NELL1: variants seen among roughly 807,000 people sequenced by gnomAD.
NELL1 encodes the protein protein kinase C-binding protein NELL1.
Under a neutral mutation model 107.4 loss-of-function variants are expected in NELL1, and 76 were observed. That is an observed-to-expected ratio of 0.71 (90% CI 0.59 to 0.86). The LOEUF is 0.86. Among genes scored for constraint, NELL1 ranks in the 40% least tolerant of loss-of-function variants. The pLI, the probability that NELL1 is intolerant of heterozygous loss-of-function variation, is 0.00. For missense variants in NELL1, 1,024 were observed against 1,005.5 expected, an observed-to-expected ratio of 1.02 and a Z score of -0.25; for synonymous variants, 353 against 341.2, an observed-to-expected ratio of 1.03 and a Z score of -0.38.
At chr11:21,148,854 C>T (rs1791841) in intron 13 of NELL1, among the ~76,000 whole-genome samples, 17 of 152,032 alleles carry the variant, frequency 1.1e-4, no homozygotes, top group African/African-American at 3.1e-4. Context: ...TAACATAATT[C>T]GTTATATTAC....
chr11:21,494,162 T>C (rs1239889945), intron 15 of NELL1, among the ~76,000 whole-genome samples: 2 of 152,032 alleles, frequency 1.3e-5, no homozygotes, highest in Non-Finnish European at 2.9e-5. Flanking sequence ...AGTAGTGATC[T>C]AATGTTTCTA....
At chr11:20,927,217 C>T in intron 7 of NELL1, 91 bp from the exon 8 acceptor site, 7 of 1,279,902 alleles carry the variant, frequency 5.5e-6, no homozygotes, top group Non-Finnish European at 6.4e-6. Flanking sequence ...TTTTTCTCTT[C>T]TCAGAAGGAT....
chr11:21,077,107 T>C (rs916304239), intron 12 of NELL1, among the ~76,000 whole-genome samples: 1 of 152,058 alleles, frequency 6.6e-6, no homozygotes, highest in African/African-American at 2.4e-5. Context: ...TGCAAGGGAA[T>C]AAAAGTAGTG....
intron 2 of NELL1, among the ~76,000 whole-genome samples, chr11:20,690,038 G>C (rs369991799): frequency 6.6e-6 from 1 of 152,134 alleles, no homozygotes; most frequent in African/African-American, 2.4e-5. Context: ...GATGGCCAGT[G>C]ATGATGAGCA....
chr11:20,743,166 A>G (rs984880565), intron 2 of NELL1, among the ~76,000 whole-genome samples: 1 of 152,118 alleles, frequency 6.6e-6, no homozygotes, highest in African/African-American at 2.4e-5. Flanking sequence ...CAGCCTGGCC[A>G]ACATGGTGAT....
chr11:21,213,318 G>A (rs1008734760), intron 13 of NELL1, among the ~76,000 whole-genome samples: 1 of 152,096 alleles, frequency 6.6e-6, no homozygotes, highest in African/African-American at 2.4e-5. Flanking sequence ...GATCTGTAAA[G>A]TTTAACATAA....
At chr11:21,054,604 T>C (rs1853571932) in intron 12 of NELL1, among the ~76,000 whole-genome samples, 1 of 152,116 alleles carries the variant, frequency 6.6e-6, no homozygotes, top group Admixed American at 6.6e-5. Flanking sequence ...TCTTCACTAA[T>C]ATTATAGTTT....
intron 13 of NELL1, among the ~76,000 whole-genome samples, chr11:21,116,770 A>G (rs1043252046): frequency 2.0e-5 from 3 of 151,856 alleles, no homozygotes; most frequent in African/African-American, 7.3e-5. Context: ...TATATCACCT[A>G]TTACCATCTT....
chr11:21,246,879 G>A (rs918359557), intron 14 of NELL1, among the ~76,000 whole-genome samples: 3 of 152,160 alleles, frequency 2.0e-5, no homozygotes, highest in South Asian at 2.1e-4. Context: ...AAAATCATCA[G>A]CTCTTGCGAG....
At chr11:21,224,394 T>C (rs1857839552) in intron 13 of NELL1, among the ~76,000 whole-genome samples, 1 of 43,724 alleles carries the variant, frequency 2.3e-5, no homozygotes, top group Admixed American at 2.3e-4. Flanking sequence ...CATACCCAGA[T>C]TTTTTTTTTT....
At chr11:20,772,410 A>G (rs1168694769) in intron 2 of NELL1, among the ~76,000 whole-genome samples, 1 of 152,152 alleles carries the variant, frequency 6.6e-6, no homozygotes, top group Non-Finnish European at 1.5e-5. Flanking sequence ...TAAGTCACTT[A>G]TTTTCTATAA....
chr11:21,005,914 T>C (rs944924329), intron 12 of NELL1, among the ~76,000 whole-genome samples: 1 of 152,132 alleles, frequency 6.6e-6, no homozygotes, highest in Non-Finnish European at 1.5e-5. Flanking sequence ...GCTTTGGACT[T>C]AGACCAACTG....
At chr11:21,062,921 G>A (rs1209216744) in intron 12 of NELL1, among the ~76,000 whole-genome samples, 4 of 152,042 alleles carry the variant, frequency 2.6e-5, no homozygotes, top group Admixed American at 1.3e-4. Flanking sequence ...TCTGCCTCCT[G>A]GGTTCAAGCA....
At chr11:20,863,323 T>TACC (rs1564939312) in intron 4 of NELL1, among the ~76,000 whole-genome samples, 2 of 53,016 alleles carry the variant, frequency 3.8e-5, no homozygotes, top group South Asian at 6.5e-4. Flanking sequence ...CAGGGGCTGT[T>TACC]CTCCACCTCC....
At chr11:20,764,958 T>A (rs1383194037) in intron 2 of NELL1, among the ~76,000 whole-genome samples, 2 of 152,054 alleles carry the variant, frequency 1.3e-5, no homozygotes, top group African/African-American at 4.8e-5. Flanking sequence ...GGTCAGGGGT[T>A]CAACACCAGA....
intron 12 of NELL1, among the ~76,000 whole-genome samples, chr11:20,983,159 T>C (rs1271832567): frequency 6.6e-6 from 1 of 152,194 alleles, no homozygotes; most frequent in Non-Finnish European, 1.5e-5. Context: ...TCTGTATCAG[T>C]ATCCTCAATA....
intron 13 of NELL1, among the ~76,000 whole-genome samples, chr11:21,142,192 G>A (rs557888438): frequency 7.9e-5 from 12 of 152,266 alleles, no homozygotes; most frequent in Middle Eastern, 3.4e-3. Flanking sequence ...AGCTGGGGGC[G>A]TCTGCTGATC....
At chr11:21,454,029 T>G (rs1318937641) in intron 15 of NELL1, among the ~76,000 whole-genome samples, 4 of 147,826 alleles carry the variant, frequency 2.7e-5, no homozygotes, top group African/African-American at 1.0e-4. Context: ...CTGCACCCAC[T>G]AACTTGTCAT....
At chr11:21,367,964 C>G (rs1590873880) in intron 14 of NELL1, among the ~76,000 whole-genome samples, 1 of 152,090 alleles carries the variant, frequency 6.6e-6, no homozygotes. Context: ...CATTGAAATG[C>G]TGAGTTCATA....
Sources: gnomAD v4.1 joint callset for allele counts (sites outside exome capture counted in the v4.1 genomes callset) on GRCh38, gnomAD v4.1.1 for gene constraint, MANE v1.5 for transcripts, NCBI Gene and HGNC (gene_info 2026-07-23, HGNC 2026-07-21) for gene names.